Variants in PIEZO2 observed in about 807,000 individuals in gnomAD.
The protein encoded by PIEZO2 is piezo type mechanosensitive ion channel component 2.
A neutral mutation model predicts 337.3 loss-of-function variants in PIEZO2; 172 were observed. The observed-to-expected ratio is 0.51, with a 90% CI of 0.45 to 0.58. The LOEUF (loss-of-function observed/expected upper bound fraction) is 0.58. PIEZO2 is among the 20% of genes least tolerant of loss of function. The probability of loss-of-function intolerance (pLI) is 0.00; values close to 1 mark genes in which losing one functional copy is unlikely to be tolerated. For synonymous variants in PIEZO2, 1,251 were observed against 1,228.5 expected (o/e 1.02, Z -0.38); for missense variants, 3,028 against 3,391.3 (o/e 0.89, Z 2.66).
rs1026711070 is a variant in PIEZO2 at position 11,128,548 on chromosome 18, G to A, written c.64+19977C>T. The stretch of plus-strand genomic sequence containing the variant: ...AGAAGGAACAGCTTCCCCATCCCCA[G>A]TAGCGGCAACATCCCTTCCCAAACC... On this transcript the variant is annotated intron_variant, in intron 1 of 55. Coordinates refer to ENST00000674853, the MANE Select transcript of PIEZO2 (RefSeq NM_001378183.1). This position sits in a 1 kb window ranked among gnomAD's most constrained non-coding sequence, Gnocchi z 4.1. 5.9e-5 allele frequency among the ~76,000 whole-genome samples: 9 copies of A among 152,160 alleles called. No individual in the cohort carries two copies. The highest frequency in any genetic ancestry group is 1.2e-4 in the Non-Finnish European group (8 of 68,028).
chr18:10,691,782 C>CACACACACACACACACATATATATATAT, intron 47 of PIEZO2, among the ~76,000 whole-genome samples: 5 of 96,612 alleles, frequency 5.2e-5, no homozygotes, highest in African/African-American at 1.9e-4. Context: ...CACACACACA[C>CACACACACACACACACATATATATATAT]ATATATATAT....
At position 10,748,669 on chromosome 18, in the gene PIEZO2, T is replaced by A; in HGVS notation, c.4265-39A>T. The stretch of plus-strand genomic sequence containing the variant: ...AGAAAAACACACATTAAAATTAACA[T>A]CCATTTTCATTGTAATTTTATAAAA... On this transcript the variant is annotated intron_variant, in intron 29 of 55. Transcript: ENST00000674853. This position sits in a 1 kb window ranked among gnomAD's most constrained non-coding sequence, Gnocchi z 5.1. The A allele has an allele frequency of 7.2e-7, 1 of 1,391,118 alleles. No homozygotes were observed. The allele number at this position is 1,391,118 out of a possible 1,614,324, so 86.2% of individuals were successfully genotyped here.
chr18:11,095,197 T>C (rs554808643), intron 1 of PIEZO2, among the ~76,000 whole-genome samples: 3 of 152,360 alleles, frequency 2.0e-5, no homozygotes, highest in Admixed American at 1.3e-4. Context: ...TCTTATTCCA[T>C]TGATAGGTCA....
chr18:10,686,917 G>A (rs1459852889), intron 49 of PIEZO2, among the ~76,000 whole-genome samples: 1 of 152,160 alleles, frequency 6.6e-6, no homozygotes, highest in Non-Finnish European at 1.5e-5. Context: ...AACAGTGGAG[G>A]AGAGGAGACA....
chr18:10,906,626 T>C (rs991016385), intron 4 of PIEZO2, among the ~76,000 whole-genome samples: 2 of 151,968 alleles, frequency 1.3e-5, no homozygotes, highest in African/African-American at 4.8e-5. Flanking sequence ...AGAGGGGCGA[T>C]TTGGGCTCAC....
chr18:10,769,887 A>T, intron 21 of PIEZO2: 2 of 340,676 alleles, frequency 5.9e-6, no homozygotes, highest in Middle Eastern at 8.2e-4. Flanking sequence ...GCCTGCTCTC[A>T]CACTCTTCCC....
chr18:10,816,725 G>A (rs183598989), intron 7 of PIEZO2, among the ~76,000 whole-genome samples: 129 of 152,166 alleles, frequency 8.5e-4, no homozygotes, highest in African/African-American at 2.8e-3. Flanking sequence ...GAGTCAGTAC[G>A]TTTTCAAATG....
intron 7 of PIEZO2, among the ~76,000 whole-genome samples, chr18:10,841,071 C>A (rs977584165): frequency 6.6e-6 from 1 of 152,102 alleles, no homozygotes; most frequent in African/African-American, 2.4e-5. Flanking sequence ...TTTGGCATAA[C>A]AACAATAAAT....
rs2037416078 is a variant in PIEZO2, at chr18:11,048,894, C to T, written c.160+17233G>A. Among the ~76,000 whole-genome samples, 1 of 152,126 alleles carries T rather than the reference C, an allele frequency of 6.6e-6. No homozygotes were observed. Among genetic ancestry groups the T allele is most frequent in the African/African-American group, 2.4e-5 (1 of 41,428 alleles). Reference sequence around the variant, plus strand: ...TTGAAAGTTAAATATAAATTTTCATCTCAAAAGGCTATTTCCTGTGAATCA... The same window carrying T: ...TTGAAAGTTAAATATAAATTTTCATTTCAAAAGGCTATTTCCTGTGAATCA... On this transcript the variant is annotated intron_variant, in intron 2 of 55. Transcript: ENST00000674853. This position sits in a 1 kb window ranked among gnomAD's most constrained non-coding sequence, Gnocchi z 4.5.
intron 11 of PIEZO2, among the ~76,000 whole-genome samples, chr18:10,798,132 C>G (rs1484427021): frequency 2.0e-5 from 3 of 152,212 alleles, no homozygotes; most frequent in Non-Finnish European, 2.9e-5. Flanking sequence ...CTCCGACAAG[C>G]CTTCAGCTGA....
chr18:11,083,598 G>C lies in PIEZO2; in HGVS notation c.65-17376C>G, dbSNP rs577656611. The stretch of plus-strand genomic sequence containing the variant: ...TCCTGTGGCATGCAGAACTTCCAAA[G>C]TTACTTATGAAAGGCTTGGTGCAGA... On this transcript the variant is annotated intron_variant, in intron 1 of 55. Transcript: ENST00000674853. The surrounding 1 kb of genome is among the most constrained non-coding windows in gnomAD (Gnocchi z 4.4). Among the ~76,000 whole-genome samples, 17 of 126,866 alleles carry C rather than the reference G, an allele frequency of 1.3e-4. No homozygotes were observed. The highest frequency in any genetic ancestry group is 5.7e-4 in the South Asian group (2 of 3,496). 83.2% of individuals were successfully genotyped at this position (126,866 alleles called of 152,430 possible).
intron 7 of PIEZO2, among the ~76,000 whole-genome samples, chr18:10,810,939 C>T (rs549821532): frequency 6.6e-6 from 1 of 152,324 alleles, no homozygotes; most frequent in South Asian, 2.1e-4. Flanking sequence ...TTACAGGGGT[C>T]ACACAGGATA....
At position 11,148,887 on chromosome 18, in the gene PIEZO2, C is replaced by T. The variant is rs1305418764; in HGVS notation, c.-299G>A. On this transcript the variant is annotated 5_prime_UTR_variant, in exon 1 of 56. Coordinates refer to ENST00000674853, the MANE Select transcript of PIEZO2 (RefSeq NM_001378183.1). The surrounding 1 kb of genome is among the most constrained non-coding windows in gnomAD (Gnocchi z 5.2). ...GTGTGAATCCTGGATCCGGCAGCGG[C>T]GGCGGCTTCTTCAGGGGTAGCTGAT... is the stretch of plus-strand genomic sequence containing the variant. 5 of 349,042 alleles carry T rather than the reference C, an allele frequency of 1.4e-5. No individual in the cohort carries two copies. Among genetic ancestry groups the T allele is most frequent in the Non-Finnish European group, 2.5e-5 (5 of 196,462 alleles). The allele number at this position is 349,042 out of a possible 1,614,324, so 21.6% of individuals were successfully genotyped here. A position where few individuals can be genotyped will look rare whatever the true frequency, so the allele number is the denominator to read the frequency against.
rs192446833 is a variant in PIEZO2, at chr18:11,023,102, A to C, written c.160+43025T>G. 4.2e-3 allele frequency among the ~76,000 whole-genome samples: 632 copies of C among 152,144 alleles called. 2 individuals are homozygous for C. The highest frequency in any genetic ancestry group is 4.6e-3 in the Non-Finnish European group (310 of 68,002). On this transcript the variant is annotated intron_variant, in intron 2 of 55. Transcript: ENST00000674853. ...GTTACAGCTCATAAAGTCAGTGTGG[A>C]CCCAAAGACTGAGCAGCAGCAAGAT...
chr18:10,674,189 G>A (rs1344995536), intron 54 of PIEZO2, among the ~76,000 whole-genome samples: 3 of 152,202 alleles, frequency 2.0e-5, no homozygotes, highest in Non-Finnish European at 4.4e-5. Flanking sequence ...CAGGAAGAAT[G>A]TTGGTTCTGA....
rs959141697 is a variant in PIEZO2 at position 11,128,551 on chromosome 18, G to A, written c.64+19974C>T. ...AGGAACAGCTTCCCCATCCCCAGTAGCGGCAACATCCCTTCCCAAACCACG... is the reference window on the plus strand; with the variant it reads ...AGGAACAGCTTCCCCATCCCCAGTAACGGCAACATCCCTTCCCAAACCACG... On this transcript the variant is annotated intron_variant, in intron 1 of 55. Transcript: ENST00000674853. The surrounding 1 kb of genome is among the most constrained non-coding windows in gnomAD (Gnocchi z 4.1). Among the ~76,000 whole-genome samples the A allele has an allele frequency of 2.0e-5, 3 of 152,168 alleles. No homozygotes were observed. The highest frequency in any genetic ancestry group is 7.2e-5 in the African/African-American group (3 of 41,436).
chr18:10,804,040 C>A, intron 8 of PIEZO2, 46 bp from the exon 9 acceptor site: 1 of 1,528,684 alleles, frequency 6.5e-7, no homozygotes. Context: ...AGGCAGTTCC[C>A]TAGACAGCCT....
intron 5 of PIEZO2, among the ~76,000 whole-genome samples, chr18:10,864,913 G>A (rs2041966084): frequency 6.6e-6 from 1 of 152,232 alleles, no homozygotes. Flanking sequence ...CAAGAGTGGG[G>A]AGAAGAGCAT....
intron 1 of PIEZO2, among the ~76,000 whole-genome samples, chr18:11,118,891 C>G (rs555276604): frequency 9.2e-5 from 14 of 152,280 alleles, no homozygotes; most frequent in Non-Finnish European, 1.6e-4. Flanking sequence ...CACAATCCTA[C>G]TGGAGAATTT....
Sources: gnomAD v4.1 joint callset for allele counts (sites outside exome capture counted in the v4.1 genomes callset) on GRCh38, gnomAD v4.1.1 for gene constraint, Gnocchi (gnomAD v3.1) non-coding constraint, MANE v1.5 for transcripts, NCBI Gene and HGNC (gene_info 2026-07-23, HGNC 2026-07-21) for gene names.